SLC4A8: variants seen among roughly 807,000 people sequenced by gnomAD.
SLC4A8 encodes the protein solute carrier family 4 member 8.
SLC4A8 carries 40 observed loss-of-function variants against 125.0 expected under a neutral mutation model. The observed-to-expected ratio is 0.32, with a 90% CI of 0.25 to 0.42. The LOEUF is 0.42. Among genes scored for constraint, SLC4A8 ranks in the 10% least tolerant of loss-of-function variants. The pLI is 1.00. For missense variants in SLC4A8, 863 were observed against 1,355.1 expected (o/e 0.64, Z 5.70); for synonymous variants, 456 against 476.0 (o/e 0.96, Z 0.55).
intron 16 of SLC4A8, among the ~76,000 whole-genome samples, chr12:51,483,005 G>A (rs1316893166): frequency 6.6e-6 from 1 of 152,144 alleles, no homozygotes; most frequent in East Asian, 1.9e-4. Context: ...AGCCACATGA[G>A]GGAGCCAAGC....
At chr12:51,500,054 G>A (rs1025990842) in intron 22 of SLC4A8, among the ~76,000 whole-genome samples, 1 of 152,178 alleles carries the variant, frequency 6.6e-6, no homozygotes, top group Non-Finnish European at 1.5e-5. Flanking sequence ...GCTAATGATG[G>A]TGGGCATGGG....
intron 1 of SLC4A8, among the ~76,000 whole-genome samples, chr12:51,435,827 A>G (rs1478178060): frequency 2.0e-5 from 3 of 152,078 alleles, no homozygotes; most frequent in Admixed American, 2.0e-4. Context: ...ATCTAACATA[A>G]TAAGATGTTT....
intron 1 of SLC4A8, among the ~76,000 whole-genome samples, chr12:51,412,805 A>G (rs988269422): frequency 3.3e-5 from 5 of 152,166 alleles, no homozygotes; most frequent in African/African-American, 7.2e-5. Flanking sequence ...GTGTAAATAC[A>G]TTTTCCTTAT....
At chr12:51,449,534 C>T (rs76406432) in intron 2 of SLC4A8, among the ~76,000 whole-genome samples, 7,079 of 151,996 alleles carry the variant, frequency 0.047, 516 homozygotes, top group African/African-American at 0.15. Context: ...TAGAACAGCT[C>T]CTTTGGTGGA....
In SLC4A8 at chr12:51,425,360, C is replaced by G. The variant is rs1231217377; in HGVS notation, c.48+325C>G. ...TCTGTTGGAAGGGGCCGGCGTCTGGCCTCGCGTTGTCCTGCCAGAACGTGG... is the reference window on the plus strand; with the variant it reads ...TCTGTTGGAAGGGGCCGGCGTCTGGGCTCGCGTTGTCCTGCCAGAACGTGG... On this transcript the variant is annotated intron_variant, in intron 1 of 24. Coordinates refer to ENST00000453097, the MANE Select transcript of SLC4A8 (RefSeq NM_001039960.3). 6 of 1,171,640 alleles carry G rather than the reference C, an allele frequency of 5.1e-6. No individual in the cohort carries two copies. In the African/African-American group the frequency reaches 9.7e-5, roughly 19 times the overall value. 72.6% of individuals were successfully genotyped at this position (1,171,640 alleles called of 1,614,324 possible).
At chr12:51,421,036 G>A (rs1333287484), upstream of SLC4A8, among the ~76,000 whole-genome samples, 1 of 152,122 alleles carries the variant, frequency 6.6e-6, no homozygotes, top group Non-Finnish European at 1.5e-5. Context: ...GTGTGTGTGT[G>A]CATGTGTTGT....
intron 1 of SLC4A8, among the ~76,000 whole-genome samples, chr12:51,416,661 A>G (rs1948692873): frequency 6.6e-6 from 1 of 152,236 alleles, no homozygotes; most frequent in South Asian, 2.1e-4. Flanking sequence ...ACAAAACAAA[A>G]CAAGGACAAT....
intron 22 of SLC4A8, among the ~76,000 whole-genome samples, chr12:51,499,127 G>T (rs187686822): frequency 8.5e-5 from 13 of 152,218 alleles, no homozygotes; most frequent in African/African-American, 2.9e-4. Flanking sequence ...GTTGTAGTGA[G>T]CTGAGATCAT....
chr12:51,394,516 C>G (rs1252302897), intron 1 of SLC4A8, among the ~76,000 whole-genome samples: 2 of 152,292 alleles, frequency 1.3e-5, no homozygotes, highest in African/African-American at 2.4e-5. Context: ...GTACAGGCAA[C>G]TTTCGAAAAA....
chr12:51,444,040 C>T (rs1324642983), intron 2 of SLC4A8, among the ~76,000 whole-genome samples: 1 of 152,100 alleles, frequency 6.6e-6, no homozygotes, highest in East Asian at 1.9e-4. Context: ...TATTTGCACA[C>T]AGATAGTTCC....
At chr12:51,490,933 G>A (rs956229930) in intron 19 of SLC4A8, among the ~76,000 whole-genome samples, 1 of 152,184 alleles carries the variant, frequency 6.6e-6, no homozygotes, top group African/African-American at 2.4e-5. Flanking sequence ...AGATGATGGT[G>A]GCTTGGATAA....
chr12:51,446,731 G>A (rs535026906), intron 2 of SLC4A8, among the ~76,000 whole-genome samples: 1 of 152,278 alleles, frequency 6.6e-6, no homozygotes, highest in East Asian at 1.9e-4. Context: ...GCCCCTTTCA[G>A]GTCAGAGTCA....
chr12:51,461,479 A>G (rs1338595218), intron 9 of SLC4A8, 188 bp downstream of exon 9: 6 of 465,060 alleles, frequency 1.3e-5, no homozygotes, highest in African/African-American at 9.9e-5. Flanking sequence ...TTTTCTTCCT[A>G]TGTTATCTCT....
chr12:51,456,971 G>C (rs1287814044), intron 5 of SLC4A8, among the ~76,000 whole-genome samples: 1 of 152,206 alleles, frequency 6.6e-6, no homozygotes, highest in Non-Finnish European at 1.5e-5. Context: ...GCAGATGACA[G>C]AACAAAGCAG....
At chr12:51,483,407 ATGG>A (rs973496948) in intron 16 of SLC4A8, among the ~76,000 whole-genome samples, 2 of 150,978 alleles carry the variant, frequency 1.3e-5, no homozygotes, top group African/African-American at 2.4e-5. Context: ...TCAGGAGGAA[ATGG>A]TGGTTTTTCC....
At chr12:51,451,845 A>G (rs905008887) in intron 3 of SLC4A8, among the ~76,000 whole-genome samples, 1 of 152,024 alleles carries the variant, frequency 6.6e-6, no homozygotes, top group African/African-American at 2.4e-5. Flanking sequence ...ATACTATAAT[A>G]GGTAAAACCC....
intron 1 of SLC4A8, among the ~76,000 whole-genome samples, chr12:51,413,671 G>T (rs1002595314): frequency 1.3e-5 from 2 of 152,148 alleles, no homozygotes; most frequent in Admixed American, 6.5e-5. Context: ...ATTGAAGAGG[G>T]TGTCCTTTCC....
At chr12:51,486,063 T>G (rs554739185) in intron 17 of SLC4A8, among the ~76,000 whole-genome samples, 163 bp downstream of exon 17, 1 of 152,186 alleles carries the variant, frequency 6.6e-6, no homozygotes, top group Admixed American at 6.5e-5. Context: ...AACTTCAGAC[T>G]TGGTTGAATT....
Position 51,457,361 on chromosome 12 carries a change from G to A in SLC4A8, c.585G>A (p.Leu195=). The part of the protein sequence containing the change: ...NSIEEISDLI[L]DQQELSSDLN... ...GTGCCTGCTTTCCAGACCTGATCCTGGATCAGCAAGAACTGTCCAGTGACC... is the reference window on the plus strand; with the variant it reads ...GTGCCTGCTTTCCAGACCTGATCCTAGATCAGCAAGAACTGTCCAGTGACC... Residue 195 remains leucine (L), a synonymous_variant, in exon 6 of 25, where the codon CTG becomes CTA. Coordinates refer to ENST00000453097, the MANE Select transcript of SLC4A8 (RefSeq NM_001039960.3). 6.2e-7 allele frequency: 1 copy of A among 1,613,486 alleles called. No individual in the cohort carries two copies. Among genetic ancestry groups the A allele is most frequent in the South Asian group, 1.1e-5 (1 of 90,964 alleles).
Sources: gnomAD v4.1 joint callset for allele counts (sites outside exome capture counted in the v4.1 genomes callset) on GRCh38, gnomAD v4.1.1 for gene constraint, MANE v1.5 for transcripts, NCBI Gene and HGNC (gene_info 2026-07-23, HGNC 2026-07-21) for gene names.